Variants in MVP observed in about 807,000 individuals in gnomAD.
MVP encodes lung resistance-related protein.
A neutral mutation model predicts 83.5 loss-of-function variants in MVP; 62 were observed. The ratio of observed to expected loss-of-function variants is 0.74; its 90% CI spans 0.61 to 0.92. The LOEUF is 0.92. Among genes scored for constraint, MVP ranks in the 40% least tolerant of loss-of-function variants. MVP has a pLI of 0.00. For synonymous variants in MVP, 505 were observed against 504.1 expected, an observed-to-expected ratio of 1.00 and a Z score of -0.02; for missense variants, 1,000 against 1,203.4, an observed-to-expected ratio of 0.83 and a Z score of 2.50.
At chr16:29,830,456 A>G in intron 1 of MVP, 59 bp from the exon 2 acceptor site, 1 of 1,462,578 alleles carries the variant, frequency 6.8e-7, no homozygotes, top group Non-Finnish European at 9.4e-7. Context: ...CACCAGATTC[A>G]TGCCTGCCCC....
intron 13 of MVP, 51 bp from the exon 14 acceptor site, chr16:29,847,146 C>T (rs2067591483): frequency 2.5e-6 from 4 of 1,586,748 alleles, no homozygotes; most frequent in Non-Finnish European, 3.4e-6. Context: ...TCCTGATCTG[C>T]ATTCCAGCCT....
At chr16:29,839,783 CAAAAAAAAA>C (rs71373206) in intron 7 of MVP, among the ~76,000 whole-genome samples, 1 of 47,368 alleles carries the variant, frequency 2.1e-5, no homozygotes, top group Non-Finnish European at 3.5e-5. Flanking sequence ...AAGACTATCT[CAAAAAAAAA>C]AAAAAAAAAA....
intron 1 of MVP, chr16:29,826,223 T>C (rs1440838544): frequency 6.6e-6 from 1 of 152,244 alleles, no homozygotes; most frequent in African/African-American, 2.4e-5. Context: ...CCCAGTGCTT[T>C]ATGTGCTAAC....
At position 29,841,482 on chromosome 16, in the gene MVP, GGT is replaced by G; in HGVS notation, c.1192-111_1192-110del. ...TGGAGCCTGGCCTCCCCGTAGAGAA[GGT>G]GTTTAACCTCGTGGCGCGCCTTCCC... is the stretch of plus-strand genomic sequence containing the variant. On this transcript the variant is annotated intron_variant, in intron 8 of 14. Coordinates refer to ENST00000357402, the MANE Select transcript of MVP (RefSeq NM_005115.5). This position sits in a 1 kb window ranked among gnomAD's most constrained non-coding sequence, Gnocchi z 4.7. 7.4e-7 allele frequency: 1 copy of G among 1,355,326 alleles called. No homozygotes were observed. Among genetic ancestry groups the G allele is most frequent in the Non-Finnish European group, 9.9e-7 (1 of 1,012,116 alleles). 84.0% of individuals were successfully genotyped at this position (1,355,326 alleles called of 1,614,324 possible). A position where few individuals can be genotyped will look rare whatever the true frequency, so the allele number is the denominator to read the frequency against.
At chr16:29,846,084 G>C (rs1346022479) in intron 12 of MVP, 74 bp from the exon 13 acceptor site, 9 of 1,604,426 alleles carry the variant, frequency 5.6e-6, no homozygotes, top group Non-Finnish European at 8.5e-7. Context: ...ACAGTGCACG[G>C]CTACAGCATA....
chr16:29,837,877 T>C (rs755404577), intron 7 of MVP, among the ~76,000 whole-genome samples: 46 of 152,222 alleles, frequency 3.0e-4, no homozygotes, highest in Non-Finnish European at 5.9e-4. Context: ...CTTTGTCATC[T>C]TTTGTAAAAT....
intron 5 of MVP, 143 bp downstream of exon 5, chr16:29,834,209 A>G: frequency 8.7e-7 from 1 of 1,155,476 alleles, no homozygotes; most frequent in African/African-American, 1.5e-5. Flanking sequence ...AGGGCCACCC[A>G]CTGCTCTTCC....
At chr16:29,830,759 C>T in intron 2 of MVP, 85 bp downstream of exon 2, 1 of 1,581,098 alleles carries the variant, frequency 6.3e-7, no homozygotes, top group Non-Finnish European at 8.6e-7. Flanking sequence ...CCTCCTCCCT[C>T]TTCCCAAGCA....
intron 10 of MVP, 76 bp from the exon 11 acceptor site, chr16:29,844,417 G>A: frequency 6.7e-7 from 1 of 1,501,678 alleles, no homozygotes; most frequent in Non-Finnish European, 8.8e-7. Flanking sequence ...TGGGCAACAT[G>A]GCAAGACCTT....
chr16:29,833,029 C>T (rs765331300), intron 3 of MVP, among the ~76,000 whole-genome samples: 1 of 151,024 alleles, frequency 6.6e-6, no homozygotes, highest in Non-Finnish European at 1.5e-5. Context: ...TGCGCCACTG[C>T]GCTCCAGCCT....
chr16:29,825,331 C>A (rs977430303), intron 1 of MVP, among the ~76,000 whole-genome samples: 4 of 152,214 alleles, frequency 2.6e-5, no homozygotes, highest in Admixed American at 2.6e-4. Flanking sequence ...TGGGCAGAGC[C>A]TTCCAAAGGT....
intron 10 of MVP, among the ~76,000 whole-genome samples, chr16:29,844,142 T>TG (rs1477314084): frequency 4.6e-5 from 7 of 152,186 alleles, no homozygotes; most frequent in African/African-American, 1.4e-4. Flanking sequence ...CTCTACTTCC[T>TG]CATCTGTAAA....
Position 29,843,598 on chromosome 16 carries a change from G to A in MVP, c.1635-895G>A, listed in dbSNP as rs377181246. ...GGAGGGAGGAAGGGAGGAAGGGAGG[G>A]AGGGAGGGTCAGGCGTGGTGGCTCA... is the stretch of plus-strand genomic sequence containing the variant. On this transcript the variant is annotated intron_variant, in intron 10 of 14. Transcript: ENST00000357402. 1.3e-3 allele frequency among the ~76,000 whole-genome samples: 126 copies of A among 99,326 alleles called. 4 individuals are homozygous for A. Among genetic ancestry groups the A allele is most frequent in the East Asian group, 6.5e-3 (18 of 2,782 alleles). 65.2% of individuals were successfully genotyped at this position (99,326 alleles called of 152,430 possible).
chr16:29,820,578 C>T (rs1351276920), intron 1 of MVP, 68 bp downstream of exon 1: 1 of 152,404 alleles, frequency 6.6e-6, no homozygotes, highest in Non-Finnish European at 1.5e-5. Context: ...TTGAGGCTCT[C>T]TTTAGTCCTG....
intron 1 of MVP, chr16:29,822,538 A>C (rs2067370761): frequency 6.6e-6 from 1 of 152,044 alleles, no homozygotes; most frequent in Non-Finnish European, 1.5e-5. Flanking sequence ...CCTTTTCCTG[A>C]ACCTGAAGCT....
chr16:29,846,105 G>A (rs1044022115), intron 12 of MVP, 53 bp from the exon 13 acceptor site: 27 of 1,600,754 alleles, frequency 1.7e-5, no homozygotes, highest in Non-Finnish European at 2.0e-5. Flanking sequence ...AGCCAAGGCC[G>A]TGGGGGGACT....
chr16:29,840,398 G>T lies in MVP; in HGVS notation c.1130G>T (p.Arg377Leu). ...PSAKVEVVEE[R>L]QAIPLDENEG... ...GCCAAAGTGGAGGTGGTGGAGGAGC[G>T]CCAGGCCATCCCTCTAGACGAGAAC... The change falls in exon 8 of 15, where the codon CGC becomes CTC. Residue 377 changes from arginine (R) to leucine (L), a missense_variant. Transcript: ENST00000357402. 1 of 1,592,274 alleles carries T rather than the reference G, an allele frequency of 6.3e-7. No homozygotes were observed. Among genetic ancestry groups the T allele is most frequent in the Non-Finnish European group, 8.5e-7 (1 of 1,170,266 alleles).
In MVP at chr16:29,830,893, C is replaced by T. The variant is rs771426774; in HGVS notation, c.141C>T (p.Pro47=). Residue 47 remains proline, a synonymous_variant, in exon 3 of 15, where the codon CCC becomes CCT. Coordinates refer to ENST00000357402, the MANE Select transcript of MVP (RefSeq NM_005115.5). ...RQDNERVLFA[P]MRMVTVPPRH... Reference sequence around the variant, plus strand: ...CTTCCTGCAGGGTACTGTTTGCCCCCATGCGCATGGTGACCGTCCCCCCAC... The same window carrying T: ...CTTCCTGCAGGGTACTGTTTGCCCCTATGCGCATGGTGACCGTCCCCCCAC... 1.9e-6 allele frequency: 3 copies of T among 1,612,620 alleles called. No homozygotes were observed. Among genetic ancestry groups the T allele is most frequent in the Non-Finnish European group, 1.7e-6 (2 of 1,178,864 alleles).
intron 3 of MVP, among the ~76,000 whole-genome samples, chr16:29,833,140 G>T (rs934490640): frequency 1.3e-5 from 2 of 152,122 alleles, no homozygotes; most frequent in African/African-American, 4.8e-5. Flanking sequence ...GAGACAGAAG[G>T]ATCACATGAG....
Sources: allele counts gnomAD v4.1 joint callset (sites outside exome capture counted in the v4.1 genomes callset), GRCh38; gene constraint gnomAD v4.1.1; non-coding constraint Gnocchi (gnomAD v3.1); transcripts MANE v1.5; gene names NCBI Gene and HGNC (gene_info 2026-07-23, HGNC 2026-07-21).